The following RAB3IL1 variants were observed in gnomAD, a reference collection of about 807,000 sequenced individuals.
RAB3IL1 encodes the protein guanine nucleotide exchange factor for Rab-3A.
In RAB3IL1, 37 loss-of-function variants were observed where a neutral mutation model predicts 49.2. That is an observed-to-expected ratio of 0.75 (90% CI 0.58 to 0.99). RAB3IL1 has a LOEUF of 0.99. Among genes scored for constraint, RAB3IL1 ranks in the 50% least tolerant of loss-of-function variants. RAB3IL1 has a pLI of 0.00. For missense variants in RAB3IL1, 484 were observed against 513.0 expected (o/e 0.94, Z 0.55); for synonymous variants, 193 against 213.9 (o/e 0.90, Z 0.85).
Position 61,905,715 on chromosome 11 carries a change from G to A in RAB3IL1, c.657+751C>T, listed in dbSNP as rs115975037. On this transcript the variant is annotated intron_variant, in intron 5 of 9. Coordinates refer to ENST00000394836, the MANE Select transcript of RAB3IL1 (RefSeq NM_013401.4). ...CAGAGGTGGAAGCCAGGATGGAGTC[G>A]AGTGGGCTGGCGCCAGGGACCCAGG... Among the ~76,000 whole-genome samples, 856 of 152,308 alleles carry A rather than the reference G, an allele frequency of 5.6e-3. 10 individuals are homozygous for A. Among genetic ancestry groups the A allele is most frequent in the African/African-American group, 0.02 (823 of 41,558 alleles).
Position 61,898,253 on chromosome 11 carries a change from C to A in RAB3IL1, c.*25G>T, listed in dbSNP as rs765590428. 75 of 1,605,950 alleles carry A rather than the reference C, an allele frequency of 4.7e-5. No individual in the cohort carries two copies. The highest frequency in any genetic ancestry group is 6.1e-5 in the Non-Finnish European group (72 of 1,176,196). ...GGTGGGTGTTTGCTCTGTCTCAGAGCTCCCCTTCAGGCCTGGGCCGCGCCC... is the reference window on the plus strand; with the variant it reads ...GGTGGGTGTTTGCTCTGTCTCAGAGATCCCCTTCAGGCCTGGGCCGCGCCC... On this transcript the variant is annotated 3_prime_UTR_variant, in exon 10 of 10. Coordinates refer to ENST00000394836, the MANE Select transcript of RAB3IL1 (RefSeq NM_013401.4). The surrounding 1 kb of genome is among the most constrained non-coding windows in gnomAD (Gnocchi z 5.1).
intron 1 of RAB3IL1, 42 bp downstream of exon 1, chr11:61,917,315 G>A (rs1939739317): frequency 1.5e-6 from 2 of 1,344,892 alleles, no homozygotes; most frequent in Non-Finnish European, 1.9e-6. Flanking sequence ...AGGCGACCGC[G>A]GCCCAGACCC....
In RAB3IL1 at chr11:61,909,964, G is replaced by A. The variant is rs1338302967; in HGVS notation, c.12-1658C>T. 3.9e-5 allele frequency among the ~76,000 whole-genome samples: 6 copies of A among 152,172 alleles called. No homozygotes were observed. In the South Asian group the frequency reaches 8.3e-4, roughly 21 times the overall value. Reference sequence around the variant, plus strand: ...TCTGCTAAAAATACAAAAATTAGCCGGGCCAAGATTGTGCCACTGCACTCC... The same window carrying A: ...TCTGCTAAAAATACAAAAATTAGCCAGGCCAAGATTGTGCCACTGCACTCC... On this transcript the variant is annotated intron_variant, in intron 1 of 9. Transcript: ENST00000394836.
chr11:61,931,925 A>C, the RAB3IL1 span, among the ~76,000 whole-genome samples: 1 of 152,206 alleles, frequency 6.6e-6, no homozygotes, highest in Non-Finnish European at 1.5e-5. Context: ...AATTTAGAAG[A>C]TTCAATATCT....
rs1181807808 is a variant in RAB3IL1, at chr11:61,908,183, C to T, written c.135G>A (p.Gly45=). Reference sequence around the variant, plus strand: ...GGCCCTCCTGGCCTTGGGCCTCCTCCCCTGCAGAGGTCTCCACCAGGGCTC... The same window carrying T: ...GGCCCTCCTGGCCTTGGGCCTCCTCTCCTGCAGAGGTCTCCACCAGGGCTC... ...SPGALVETSA[G]EEAQGQEGPA... The change falls in exon 2 of 10, where the codon GGG becomes GGA. Residue 45 remains glycine (G), a synonymous_variant. Transcript: ENST00000394836. The T allele has an allele frequency of 1.3e-6, 2 of 1,554,172 alleles. No homozygotes were observed. Among genetic ancestry groups the T allele is most frequent in the Non-Finnish European group, 1.7e-6 (2 of 1,151,166 alleles).
the RAB3IL1 span, among the ~76,000 whole-genome samples, chr11:61,932,262 G>A: frequency 6.6e-6 from 1 of 150,992 alleles, no homozygotes; most frequent in Non-Finnish European, 1.5e-5. Context: ...AAAAAAAAAA[G>A]AAAAGAAAAT....
At position 61,898,201 on chromosome 11, in the gene RAB3IL1, G is replaced by C; in HGVS notation, c.*77C>G. ...GGCTCAGGGCTGGCTCCAGGCCCCC[G>C]TCTCCCTGTGTGTCGGCTTGTTCTG... is the stretch of plus-strand genomic sequence containing the variant. On this transcript the variant is annotated 3_prime_UTR_variant, in exon 10 of 10. Coordinates refer to ENST00000394836, the MANE Select transcript of RAB3IL1 (RefSeq NM_013401.4). The surrounding 1 kb of genome is among the most constrained non-coding windows in gnomAD (Gnocchi z 5.1). 1 of 1,389,810 alleles carries C rather than the reference G, an allele frequency of 7.2e-7. No homozygotes were observed. Among genetic ancestry groups the C allele is most frequent in the Non-Finnish European group, 1.0e-6 (1 of 995,134 alleles). The allele number at this position is 1,389,810 out of a possible 1,614,324, so 86.1% of individuals were successfully genotyped here.
In RAB3IL1 at chr11:61,898,494, G is replaced by T. The variant is rs1938726171; in HGVS notation, c.1067-134C>A. 2.8e-6 allele frequency: 2 copies of T among 713,584 alleles called. No individual in the cohort carries two copies. Among genetic ancestry groups the T allele is most frequent in the South Asian group, 3.2e-5 (2 of 61,876 alleles). 44.2% of individuals were successfully genotyped at this position (713,584 alleles called of 1,614,324 possible). ...AGGGTCCCCGGCCCCCAAAACAGAT[G>T]ACCTCAGTGAGTGGCTGGACCTCTC... On this transcript the variant is annotated intron_variant, in intron 9 of 9. Coordinates refer to ENST00000394836, the MANE Select transcript of RAB3IL1 (RefSeq NM_013401.4). This position sits in a 1 kb window ranked among gnomAD's most constrained non-coding sequence, Gnocchi z 5.1.
the RAB3IL1 span, among the ~76,000 whole-genome samples, chr11:61,928,163 A>G: frequency 2.9e-4 from 40 of 140,046 alleles, no homozygotes; most frequent in Non-Finnish European, 3.7e-4. Context: ...CCTGCTACAG[A>G]AAAAAAAAAA....
At chr11:61,934,450 G>GTGTA in the RAB3IL1 span, among the ~76,000 whole-genome samples, 55 of 31,574 alleles carry the variant, frequency 1.7e-3, no homozygotes, top group South Asian at 6.2e-3. Flanking sequence ...GTGTGTGTAT[G>GTGTA]TATATATATA....
At position 61,908,289 on chromosome 11, in the gene RAB3IL1, TG is replaced by T; in HGVS notation, c.28del (p.Gln10ArgfsTer70). ...AGCTGCAAGGGGCGGCGGGAGGCCC[TG>T]GTCTGGCTGGGGTGGGCTGGAGACA... MWSGPPQPD[Q>X]GLPPPLAAVP... On this transcript the variant is annotated frameshift_variant, in exon 2 of 10. Coordinates refer to ENST00000394836, the MANE Select transcript of RAB3IL1 (RefSeq NM_013401.4). LOFTEE classifies it high-confidence loss of function. 1.3e-6 allele frequency: 2 copies of T among 1,486,102 alleles called. No individual in the cohort carries two copies. Among genetic ancestry groups the T allele is most frequent in the Non-Finnish European group, 1.8e-6 (2 of 1,120,898 alleles). 92.1% of individuals were successfully genotyped at this position (1,486,102 alleles called of 1,614,324 possible).
the RAB3IL1 span, chr11:61,945,932 C>G: frequency 1.3e-4 from 58 of 436,008 alleles, no homozygotes; most frequent in Middle Eastern, 1.2e-3. Flanking sequence ...TGTATCCCAG[C>G]CTCTCCTGGT....
At chr11:61,922,379 G>A (rs1233859543), upstream of RAB3IL1, among the ~76,000 whole-genome samples, 1 of 150,384 alleles carries the variant, frequency 6.6e-6, no homozygotes, top group South Asian at 2.1e-4. Context: ...AAAATTAGCC[G>A]GGGGTGGTGG....
At chr11:61,921,727 A>G (rs1477189554), upstream of RAB3IL1, among the ~76,000 whole-genome samples, 1 of 152,100 alleles carries the variant, frequency 6.6e-6, no homozygotes, top group Non-Finnish European at 1.5e-5. Flanking sequence ...CACCTGTGGG[A>G]TGGTGTGAAT....
the RAB3IL1 span, among the ~76,000 whole-genome samples, chr11:61,927,880 A>C: frequency 6.6e-6 from 1 of 152,178 alleles, no homozygotes; most frequent in African/African-American, 2.4e-5. Flanking sequence ...TACAGCCTGC[A>C]GAACAGTGAG....
chr11:61,943,881 T>TA, the RAB3IL1 span, among the ~76,000 whole-genome samples: 6 of 151,948 alleles, frequency 3.9e-5, no homozygotes, highest in East Asian at 1.9e-4. Flanking sequence ...ATTAAAATTA[T>TA]AAAAAAAAGA....
At chr11:61,920,963 T>A (rs1939892729), upstream of RAB3IL1, among the ~76,000 whole-genome samples, 1 of 151,922 alleles carries the variant, frequency 6.6e-6, no homozygotes, top group African/African-American at 2.4e-5. Context: ...TTATTTTTTA[T>A]TTTTTTTCTT....
chr11:61,927,470 A>G, the RAB3IL1 span, among the ~76,000 whole-genome samples: 4 of 152,116 alleles, frequency 2.6e-5, no homozygotes, highest in Non-Finnish European at 4.4e-5. Flanking sequence ...CCCAACCTAG[A>G]CTTAAGGTTA....
rs566430182 is a variant in RAB3IL1, at chr11:61,906,347, C to T, written c.657+119G>A. ...GCCCAGCCCTCACATCCCAGAGAGGCGCAGGACAGGCTCCAGGTCACACAG... is the reference window on the plus strand; with the variant it reads ...GCCCAGCCCTCACATCCCAGAGAGGTGCAGGACAGGCTCCAGGTCACACAG... On this transcript the variant is annotated intron_variant, in intron 5 of 9. Coordinates refer to ENST00000394836, the MANE Select transcript of RAB3IL1 (RefSeq NM_013401.4). The surrounding 1 kb of genome is among the most constrained non-coding windows in gnomAD (Gnocchi z 4.6). The T allele has an allele frequency of 4.3e-6, 4 of 935,448 alleles. No homozygotes were observed. The highest frequency in any genetic ancestry group is 1.6e-5 in the African/African-American group (1 of 61,496). 57.9% of individuals were successfully genotyped at this position (935,448 alleles called of 1,614,324 possible).
Sources: allele counts gnomAD v4.1 joint callset (sites outside exome capture counted in the v4.1 genomes callset), GRCh38; gene constraint gnomAD v4.1.1; non-coding constraint Gnocchi (gnomAD v3.1); transcripts MANE v1.5; gene names NCBI Gene and HGNC (gene_info 2026-07-23, HGNC 2026-07-21).